MYH11: variants seen among roughly 807,000 people sequenced by gnomAD.
The protein encoded by MYH11 is myosin heavy chain 11.
A neutral mutation model predicts 246.6 loss-of-function variants in MYH11; 80 were observed. The observed-to-expected ratio is 0.32, with a 90% CI of 0.27 to 0.39. MYH11 has a LOEUF of 0.39. Ranked by LOEUF, MYH11 falls within the 10% of genes least tolerant of loss-of-function variation. MYH11 has a pLI of 1.00. For missense variants in MYH11, 2,158 were observed against 2,546.8 expected (o/e 0.85, Z 3.29); for synonymous variants, 1,071 against 1,015.5 (o/e 1.05, Z -1.04).
chr16:15,810,919 G>T (rs182683529), intron 3 of MYH11, among the ~76,000 whole-genome samples: 92 of 152,238 alleles, frequency 6.0e-4, no homozygotes, highest in African/African-American at 2.1e-3. Flanking sequence ...ATTCTGAATC[G>T]GCAGGACAGG....
Position 15,703,984 on chromosome 16 carries a change from A to AT in MYH11, c.*6_*7insA, listed in dbSNP as rs1367486637. On this transcript the variant is annotated 3_prime_UTR_variant, in exon 41 of 41. Transcript: ENST00000300036. ...TCTTGCCGTGGTGCAAAACTGTAGA[A>AT]AGTTGCTTATTCACTGGCCTTGGTT... 3.1e-6 allele frequency: 5 copies of AT among 1,613,796 alleles called. 1 individual carries two copies. The highest frequency in any genetic ancestry group is 8.5e-7 in the Non-Finnish European group (1 of 1,179,942).
At position 15,724,308 on chromosome 16, in the gene MYH11, C is replaced by A. The variant is rs2040636408; in HGVS notation, c.4218G>T (p.Gln1406His). Residue 1406 changes from glutamine (Q) to histidine (H), a missense_variant, in exon 31 of 41, where the codon CAG becomes CAT. This residue lies in a region of MYH11 where 1,013 missense variants were observed against 993.5 expected (regional missense o/e 1.02). Coordinates refer to ENST00000300036, the MANE Select transcript of MYH11 (RefSeq NM_002474.3). ...RFQKEIENLT[Q>H]QYEEKAAAYD... Reference sequence around the variant, plus strand: ...AAGCGGCCGCCTTCTCCTCGTACTGCTGGGTGAGGTTCTCGATCTCCTTCT... The same window carrying A: ...AAGCGGCCGCCTTCTCCTCGTACTGATGGGTGAGGTTCTCGATCTCCTTCT... 1 of 1,614,072 alleles carries A rather than the reference C, an allele frequency of 6.2e-7. No individual in the cohort carries two copies. The highest frequency in any genetic ancestry group is 1.3e-5 in the African/African-American group (1 of 74,916).
chr16:15,829,867 G>A (rs1369047391), intron 2 of MYH11, among the ~76,000 whole-genome samples: 2 of 152,170 alleles, frequency 1.3e-5, no homozygotes, highest in East Asian at 1.9e-4. Context: ...GGGCGCAGTG[G>A]CTCACACCTG....
At chr16:15,747,768 C>T (rs1048555769) in intron 18 of MYH11, 38 bp from the exon 19 acceptor site, 4 of 1,613,668 alleles carry the variant, frequency 2.5e-6, no homozygotes, top group Non-Finnish European at 3.4e-6. Context: ...CTGATTTCCA[C>T]TGTGCCATTT....
At chr16:15,717,968 T>G (rs2040253945) in intron 37 of MYH11, 1 of 395,590 alleles carries the variant, frequency 2.5e-6, no homozygotes, top group Non-Finnish European at 4.8e-6. Context: ...TAGTGCTCAG[T>G]GACATCACCA....
At chr16:15,814,235 G>GA (rs2043207257) in intron 3 of MYH11, among the ~76,000 whole-genome samples, 1 of 151,494 alleles carries the variant, frequency 6.6e-6, no homozygotes, top group African/African-American at 2.4e-5. Flanking sequence ...TTGGAAGACA[G>GA]AAAATGGGAT....
chr16:15,741,251 C>T (rs529581728), intron 22 of MYH11: 141 of 640,620 alleles, frequency 2.2e-4, no homozygotes, highest in Non-Finnish European at 3.7e-4. Context: ...GGGGTTAGCA[C>T]ATGCAAGGCA....
At chr16:15,799,860 T>C (rs184152447) in intron 3 of MYH11, among the ~76,000 whole-genome samples, 1 of 152,318 alleles carries the variant, frequency 6.6e-6, no homozygotes, top group Admixed American at 6.5e-5. Context: ...ATTGTATCTC[T>C]AGTACTGGCA....
At chr16:15,810,748 C>A (rs901633239) in intron 3 of MYH11, among the ~76,000 whole-genome samples, 14 of 152,194 alleles carry the variant, frequency 9.2e-5, no homozygotes, top group Non-Finnish European at 1.8e-4. Flanking sequence ...AAAATCCAGA[C>A]CTTTCAAGGG....
intron 3 of MYH11, among the ~76,000 whole-genome samples, chr16:15,803,362 T>G (rs1362050626): frequency 6.6e-6 from 1 of 151,002 alleles, no homozygotes; most frequent in East Asian, 2.0e-4. Context: ...CTGCAACCTC[T>G]GCCTCCTGGT....
chr16:15,807,593 A>C (rs2043042766), intron 3 of MYH11, among the ~76,000 whole-genome samples: 1 of 152,062 alleles, frequency 6.6e-6, no homozygotes, highest in Admixed American at 6.6e-5. Flanking sequence ...GGGCGGGGAC[A>C]CAGTACCGAG....
chr16:15,800,550 G>C (rs773401199), intron 3 of MYH11, among the ~76,000 whole-genome samples: 3 of 151,706 alleles, frequency 2.0e-5, no homozygotes, highest in Non-Finnish European at 4.4e-5. Context: ...AGAGTGGATG[G>C]GTGGGTGAAT....
intron 26 of MYH11, 182 bp from the exon 27 acceptor site, chr16:15,732,890 A>C (rs1406558260): frequency 1.4e-6 from 1 of 692,128 alleles, no homozygotes; most frequent in African/African-American, 1.8e-5. Flanking sequence ...CCTCAGCTGC[A>C]AAATGTGGAG....
chr16:15,746,236 C>G (rs2041415168), intron 19 of MYH11, among the ~76,000 whole-genome samples: 1 of 152,024 alleles, frequency 6.6e-6, no homozygotes, highest in Admixed American at 6.6e-5. Flanking sequence ...CCTGTCAAAC[C>G]TATTCTCTCC....
rs1442946589 is a variant in MYH11 at position 15,733,270 on chromosome 16, G to C, written c.3507-562C>G. Among the ~76,000 whole-genome samples, 3 of 152,322 alleles carry C rather than the reference G, an allele frequency of 2.0e-5. No homozygotes were observed. The East Asian group carries it at 5.8e-4, about 29-fold the overall frequency. The stretch of plus-strand genomic sequence containing the variant: ...GTTTTTGAGATGGAGTTTCACTCCT[G>C]TTGCCCAGGCTGGAGTGCGACAGCG... On this transcript the variant is annotated intron_variant, in intron 26 of 40. Transcript: ENST00000300036.
At chr16:15,708,886 G>C (rs2039619445) in intron 40 of MYH11, 2 of 1,565,312 alleles carry the variant, frequency 1.3e-6, no homozygotes, top group Admixed American at 3.5e-5. Flanking sequence ...CAGCAAACAA[G>C]AAGGAGCCCG....
intron 1 of MYH11, among the ~76,000 whole-genome samples, chr16:15,853,735 T>C (rs1258432865): frequency 6.6e-6 from 1 of 152,104 alleles, no homozygotes; most frequent in Admixed American, 6.6e-5. Flanking sequence ...ATCAAGACCC[T>C]AAATAAGCCA....
chr16:15,770,139 G>A (rs1322933138), intron 9 of MYH11, among the ~76,000 whole-genome samples: 1 of 152,032 alleles, frequency 6.6e-6, no homozygotes, highest in Non-Finnish European at 1.5e-5. Flanking sequence ...ATTCTTGGAG[G>A]GCCTATGTCA....
At chr16:15,821,068 C>T (rs1340885384) in intron 3 of MYH11, among the ~76,000 whole-genome samples, 4 of 152,144 alleles carry the variant, frequency 2.6e-5, no homozygotes, top group African/African-American at 9.7e-5. Flanking sequence ...GACAGGGTTT[C>T]GCCATATTGC....
Sources: gnomAD v4.1 joint callset for allele counts (sites outside exome capture counted in the v4.1 genomes callset) on GRCh38, gnomAD v4.1.1 for gene constraint, gnomAD v4.1.1 regional missense constraint, MANE v1.5 for transcripts, NCBI Gene and HGNC (gene_info 2026-07-23, HGNC 2026-07-21) for gene names.